FGF14: variants seen among roughly 807,000 people sequenced by gnomAD.
FGF14 encodes the protein fibroblast growth factor homologous factor 4.
In FGF14, 5 loss-of-function variants were observed where a neutral mutation model predicts 25.5. That is an observed-to-expected ratio of 0.20 (90% confidence interval 0.10 to 0.41). The LOEUF (loss-of-function observed/expected upper bound fraction) is 0.41, where lower values mean the gene tolerates loss of function less well. Among genes scored for constraint, FGF14 ranks in the 10% least tolerant of loss-of-function variants. FGF14 has a pLI of 1.00. For synonymous variants in FGF14, 138 were observed against 118.3 expected, an observed-to-expected ratio of 1.17 and a Z score of -1.08; for missense variants, 222 against 320.1, an observed-to-expected ratio of 0.69 and a Z score of 2.34.
chr13:102,066,510 A>C (rs958979833), intron 1 of FGF14, among the ~76,000 whole-genome samples: 8 of 152,232 alleles, frequency 5.3e-5, no homozygotes, highest in African/African-American at 1.9e-4. Context: ...TCAGCATCAA[A>C]TGTATCTTAT....
At chr13:102,216,020 G>T (rs1024080027) in intron 1 of FGF14, among the ~76,000 whole-genome samples, 7 of 152,158 alleles carry the variant, frequency 4.6e-5, no homozygotes, top group African/African-American at 1.7e-4. Context: ...GACTGAGAAG[G>T]TCAGTATTTA....
At chr13:101,927,996 C>G (rs538487250) in intron 1 of FGF14, among the ~76,000 whole-genome samples, 2 of 152,180 alleles carry the variant, frequency 1.3e-5, no homozygotes, top group Non-Finnish European at 2.9e-5. Flanking sequence ...CTTTCATCCC[C>G]GGTGACACTA....
At chr13:102,027,348 TC>T (rs2040983717) in intron 1 of FGF14, among the ~76,000 whole-genome samples, 1 of 151,688 alleles carries the variant, frequency 6.6e-6, no homozygotes. Flanking sequence ...AGGATTTTTT[TC>T]TTTTTTAAGC....
At chr13:101,844,027 T>C (rs1029251012) in intron 3 of FGF14, among the ~76,000 whole-genome samples, 4 of 152,150 alleles carry the variant, frequency 2.6e-5, no homozygotes, top group African/African-American at 9.6e-5. Flanking sequence ...AGAAAGTGAT[T>C]ATTTAAATGA....
chr13:102,363,588 T>C (rs1375660620), intron 1 of FGF14, among the ~76,000 whole-genome samples: 2 of 152,206 alleles, frequency 1.3e-5, no homozygotes, highest in African/African-American at 4.8e-5. Flanking sequence ...CTTTTTCCCA[T>C]AGCAGGATTC....
At chr13:102,137,572 A>T (rs1373837180) in intron 1 of FGF14, among the ~76,000 whole-genome samples, 2 of 152,150 alleles carry the variant, frequency 1.3e-5, no homozygotes, top group Non-Finnish European at 2.9e-5. Flanking sequence ...CTTGTTCTGG[A>T]CTGTCAACAC....
At chr13:102,175,220 C>G (rs1029481367) in intron 1 of FGF14, among the ~76,000 whole-genome samples, 5 of 152,256 alleles carry the variant, frequency 3.3e-5, no homozygotes, top group Middle Eastern at 3.4e-3. Context: ...GTAACCAAAA[C>G]AGCATGGTAC....
intron 1 of FGF14, among the ~76,000 whole-genome samples, chr13:102,319,031 G>A (rs923278454): frequency 6.6e-6 from 1 of 152,142 alleles, no homozygotes; most frequent in African/African-American, 2.4e-5. Context: ...CCGTTGCTGC[G>A]AGCTTTCTGA....
chr13:102,073,400 C>T (rs1035915237), intron 1 of FGF14, among the ~76,000 whole-genome samples: 10 of 152,214 alleles, frequency 6.6e-5, no homozygotes, highest in African/African-American at 2.4e-4. Flanking sequence ...TCACCATATG[C>T]TTCCTGTGGA....
intron 1 of FGF14, among the ~76,000 whole-genome samples, chr13:102,197,265 G>C (rs1293436632): frequency 6.6e-6 from 1 of 152,120 alleles, no homozygotes; most frequent in Non-Finnish European, 1.5e-5. Context: ...GTATGAGGTA[G>C]TGCATTTCAG....
At chr13:102,059,129 C>T (rs2042565040) in intron 1 of FGF14, among the ~76,000 whole-genome samples, 1 of 152,036 alleles carries the variant, frequency 6.6e-6, no homozygotes, top group East Asian at 1.9e-4. Flanking sequence ...AGAATGTGCT[C>T]TAGACCTAGA....
chr13:101,734,780 A>G (rs1294467573), intron 3 of FGF14, among the ~76,000 whole-genome samples: 1 of 152,214 alleles, frequency 6.6e-6, no homozygotes, highest in Non-Finnish European at 1.5e-5. Context: ...TTAGAACTGA[A>G]GAAACCGAGG....
At chr13:102,143,030 T>C (rs2046708743) in intron 1 of FGF14, among the ~76,000 whole-genome samples, 1 of 152,196 alleles carries the variant, frequency 6.6e-6, no homozygotes, top group African/African-American at 2.4e-5. Context: ...GTCATTTTCC[T>C]CCTGATGCCA....
intron 1 of FGF14, among the ~76,000 whole-genome samples, chr13:102,377,264 C>G (rs2058062748): frequency 6.6e-6 from 1 of 152,038 alleles, no homozygotes; most frequent in Admixed American, 6.6e-5. Flanking sequence ...ACTTAGTTTG[C>G]TTTAATATGT....
At chr13:102,124,477 A>C (rs966065748) in intron 1 of FGF14, among the ~76,000 whole-genome samples, 1 of 152,116 alleles carries the variant, frequency 6.6e-6, no homozygotes, top group South Asian at 2.1e-4. Flanking sequence ...AAATTAGAAG[A>C]GACAAGGCCA....
chr13:102,161,688 GAA>G (rs1566765840), intron 1 of FGF14, among the ~76,000 whole-genome samples: 2 of 83,454 alleles, frequency 2.4e-5, no homozygotes, highest in Non-Finnish European at 2.8e-5. Flanking sequence ...AGAAGAAGAA[GAA>G]GAAGAAGAAG....
chr13:102,131,700 C>T (rs1481593981), intron 1 of FGF14, among the ~76,000 whole-genome samples: 1 of 152,080 alleles, frequency 6.6e-6, no homozygotes, highest in Non-Finnish European at 1.5e-5. Flanking sequence ...AGATTGCTAC[C>T]TAATTTGTTT....
intron 1 of FGF14, among the ~76,000 whole-genome samples, chr13:101,950,522 A>T (rs2036090469): frequency 6.6e-6 from 1 of 152,194 alleles, no homozygotes; most frequent in Non-Finnish European, 1.5e-5. Context: ...GAGATGCTTC[A>T]GAAATACTCA....
At chr13:102,243,655 G>T (rs201017990) in intron 1 of FGF14, among the ~76,000 whole-genome samples, 7,388 of 142,180 alleles carry the variant, frequency 0.052, 248 homozygotes, top group Middle Eastern at 0.12. Flanking sequence ...CTTTGGGCAT[G>T]TTTTTTTTTT....
Sources: gnomAD v4.1 joint callset for allele counts (sites outside exome capture counted in the v4.1 genomes callset) on GRCh38, gnomAD v4.1.1 for gene constraint, MANE v1.5 for transcripts, NCBI Gene and HGNC (gene_info 2026-07-23, HGNC 2026-07-21) for gene names.